The following PARP4 variants were observed in gnomAD, a reference collection of about 807,000 sequenced individuals.
The protein encoded by PARP4 is poly(ADP-ribose) polymerase family member 4.
Under a neutral mutation model 187.7 loss-of-function variants are expected in PARP4, and 120 were observed. That is an observed-to-expected ratio of 0.64 (90% CI 0.55 to 0.74). The LOEUF (loss-of-function observed/expected upper bound fraction) is 0.74, where lower values mean the gene tolerates loss of function less well. PARP4 is among the 30% of genes least tolerant of loss of function. PARP4 has a pLI of 0.00. For synonymous variants in PARP4, 654 were observed against 740.9 expected, an observed-to-expected ratio of 0.88 and a Z score of 1.90; for missense variants, 1,836 against 2,070.5, an observed-to-expected ratio of 0.89 and a Z score of 2.20.
At chr13:24,449,375 A>T (rs1221604914) in intron 25 of PARP4, among the ~76,000 whole-genome samples, 2 of 116,000 alleles carry the variant, frequency 1.7e-5, no homozygotes, top group Admixed American at 9.9e-5. Context: ...GCGACAGAGC[A>T]AGACTCTGTC....
At position 24,501,661 on chromosome 13, in the gene PARP4, T is replaced by C; in HGVS notation, c.306A>G (p.Pro102=). 1 of 1,613,194 alleles carries C rather than the reference T, an allele frequency of 6.2e-7. No homozygotes were observed. Among genetic ancestry groups the C allele is most frequent in the Non-Finnish European group, 8.5e-7 (1 of 1,179,322 alleles). Residue 102 remains proline (P), a synonymous_variant, in exon 3 of 34, where the codon CCA becomes CCG. Transcript: ENST00000381989. The part of the protein sequence containing the change: ...YDPYKPLDIT[P]PPDQKASSSE... ...AACTGCTCGCCTTCTGATCAGGAGGTGGTGTGATGTCCAGGGGCTTATAAG... is the reference window on the plus strand; with the variant it reads ...AACTGCTCGCCTTCTGATCAGGAGGCGGTGTGATGTCCAGGGGCTTATAAG...
chr13:24,504,853 C>T (rs1869523646), intron 1 of PARP4, among the ~76,000 whole-genome samples: 1 of 151,858 alleles, frequency 6.6e-6, no homozygotes, highest in Non-Finnish European at 1.5e-5. Context: ...ACCATGACAC[C>T]TGGCTAACTT....
At chr13:24,472,150 A>C (rs569589834) in intron 15 of PARP4, among the ~76,000 whole-genome samples, 6 of 143,894 alleles carry the variant, frequency 4.2e-5, no homozygotes, top group South Asian at 2.5e-4. Context: ...CTTCTTCCAA[A>C]CAATGGGCAT....
At position 24,498,002 on chromosome 13, in the gene PARP4, G is replaced by A. The variant is rs1259804618; in HGVS notation, c.591+114C>T. 4 of 646,034 alleles carry A rather than the reference G, an allele frequency of 6.2e-6. No homozygotes were observed. In the Admixed American group the frequency reaches 8.0e-5, roughly 13 times the overall value. 40.0% of individuals were successfully genotyped at this position (646,034 alleles called of 1,614,324 possible). On this transcript the variant is annotated intron_variant, in intron 6 of 33. Coordinates refer to ENST00000381989, the MANE Select transcript of PARP4 (RefSeq NM_006437.4). ...TAGCCTGTTGCATTTATTAATAGCA[G>A]CCTGAGCTAAGACAACAGGTAAGAA... is the stretch of plus-strand genomic sequence containing the variant.
chr13:24,429,140 A>G (rs1870207807), intron 32 of PARP4, among the ~76,000 whole-genome samples: 1 of 152,118 alleles, frequency 6.6e-6, no homozygotes, highest in African/African-American at 2.4e-5. Flanking sequence ...CATTGCAGAT[A>G]CTATATTTTC....
intron 9 of PARP4, among the ~76,000 whole-genome samples, chr13:24,491,075 T>C (rs1271508519): frequency 2.0e-5 from 3 of 152,034 alleles, no homozygotes; most frequent in Admixed American, 6.6e-5. Context: ...CAGAATTGTA[T>C]TTGAATGGGC....
intron 10 of PARP4, among the ~76,000 whole-genome samples, chr13:24,490,366 T>C (rs995963384): frequency 6.6e-6 from 1 of 152,162 alleles, no homozygotes; most frequent in Admixed American, 6.5e-5. Flanking sequence ...TCAGTTTAAG[T>C]GGCTTTTTCT....
chr13:24,440,825 C>A (rs1227925025), intron 30 of PARP4, among the ~76,000 whole-genome samples: 1 of 152,190 alleles, frequency 6.6e-6, no homozygotes. Context: ...AATCTCATGG[C>A]AGTTTACATT....
At chr13:24,506,882 G>C (rs954317232) in intron 1 of PARP4, among the ~76,000 whole-genome samples, 10 of 152,212 alleles carry the variant, frequency 6.6e-5, no homozygotes, top group African/African-American at 2.2e-4. Context: ...CGGGACGCTC[G>C]TGCTGCGCAG....
At chr13:24,506,007 C>T (rs1034796770) in intron 1 of PARP4, among the ~76,000 whole-genome samples, 1 of 152,254 alleles carries the variant, frequency 6.6e-6, no homozygotes, top group Admixed American at 6.5e-5. Flanking sequence ...ACCTCCCACT[C>T]CTACAGGCCA....
At chr13:24,512,046 TGCTTG>T (rs760641120) in intron 1 of PARP4, among the ~76,000 whole-genome samples, 3 of 152,212 alleles carry the variant, frequency 2.0e-5, no homozygotes, top group Non-Finnish European at 4.4e-5. Context: ...CATAGCACTA[TGCTTG>T]GATATTGTCA....
intron 15 of PARP4, among the ~76,000 whole-genome samples, chr13:24,473,004 G>C (rs1421368321): frequency 6.7e-6 from 1 of 148,814 alleles, no homozygotes; most frequent in Admixed American, 6.9e-5. Context: ...CTGCCCTCCT[G>C]TGACTTTGCC....
intron 15 of PARP4, among the ~76,000 whole-genome samples, chr13:24,473,201 C>T (rs954540480): frequency 2.0e-5 from 3 of 152,096 alleles, no homozygotes; most frequent in Non-Finnish European, 2.9e-5. Flanking sequence ...CCTGGGATTA[C>T]AGGCATGAAC....
chr13:24,468,901 G>GTA, intron 17 of PARP4, 123 bp downstream of exon 17: 1 of 710,990 alleles, frequency 1.4e-6, no homozygotes, highest in Non-Finnish European at 2.4e-6. Context: ...CAGACCAAGT[G>GTA]GAACTCTGGG....
Position 24,499,348 on chromosome 13 carries a change from G to A in PARP4, c.430C>T (p.His144Tyr), listed in dbSNP as rs1418513799. 3 of 1,578,586 alleles carry A rather than the reference G, an allele frequency of 1.9e-6. No homozygotes were observed. Among genetic ancestry groups the A allele is most frequent in the Non-Finnish European group, 2.6e-6 (3 of 1,164,676 alleles). ...GCAACTTCAAAATCTTGAGGAAGAT[G>A]AGGAATTTCAACATTCTGCATACCA... ...EFGMQNVEIP[H>Y]LPQDFEVAKY... Residue 144 changes from histidine to tyrosine, a missense_variant, in exon 5 of 34, where the codon CAT becomes TAT. By Grantham distance (83) the His-to-Tyr change is moderately conservative. Around this residue, in one of 8 missense-constraint regions of PARP4, gnomAD observed 1,147 missense variants for 1,214.2 expected, o/e 0.94. Transcript: ENST00000381989.
At chr13:24,505,431 T>C (rs1869580438) in intron 1 of PARP4, among the ~76,000 whole-genome samples, 1 of 152,178 alleles carries the variant, frequency 6.6e-6, no homozygotes, top group Non-Finnish European at 1.5e-5. Context: ...GATGTCATCA[T>C]GGTGTTCCTT....
At position 24,456,321 on chromosome 13, in the gene PARP4, C is replaced by T. The variant is rs1457033202; in HGVS notation, c.2562+20G>A. On this transcript the variant is annotated intron_variant, in intron 21 of 33. Coordinates refer to ENST00000381989, the MANE Select transcript of PARP4 (RefSeq NM_006437.4). ...ATTTTTTCAATAGTGTCTCCTATGT[C>T]TAAGTAAAAAGGAGTATACCTCGCT... The T allele has an allele frequency of 6.3e-7, 1 of 1,577,604 alleles. No individual in the cohort carries two copies. The highest frequency in any genetic ancestry group is 8.7e-7 in the Non-Finnish European group (1 of 1,153,194).
chr13:24,484,918 T>G (rs4770697), intron 11 of PARP4, among the ~76,000 whole-genome samples, 170 bp from the exon 12 acceptor site: 44,739 of 152,198 alleles, frequency 0.29, 7,317 homozygotes, highest in South Asian at 0.46. Flanking sequence ...CCTTTTATTA[T>G]ATAAACATCT....
chr13:24,445,086 TCCTACCCG>T (rs1654656484), intron 27 of PARP4, among the ~76,000 whole-genome samples: 1 of 151,368 alleles, frequency 6.6e-6, no homozygotes, highest in African/African-American at 2.4e-5. Context: ...AGCCCCACAA[TCCTACCCG>T]CCTCTGTACG....
Sources: allele counts gnomAD v4.1 joint callset (sites outside exome capture counted in the v4.1 genomes callset), GRCh38; gene constraint gnomAD v4.1.1; regional missense constraint gnomAD v4.1.1; transcripts MANE v1.5; gene names NCBI Gene and HGNC (gene_info 2026-07-23, HGNC 2026-07-21).